Variants in MYO18B observed in about 807,000 individuals in gnomAD.
The protein encoded by MYO18B is myosin XVIIIB.
A neutral mutation model predicts 273.0 loss-of-function variants in MYO18B; 204 were observed. The ratio of observed to expected loss-of-function variants is 0.75; its 90% CI spans 0.67 to 0.84. The LOEUF (loss-of-function observed/expected upper bound fraction) is 0.84. MYO18B is among the 40% of genes least tolerant of loss of function. MYO18B has a pLI of 0.00. For missense variants in MYO18B, 3,212 were observed against 3,287.6 expected (o/e 0.98, Z 0.56); for synonymous variants, 1,330 against 1,305.7 (o/e 1.02, Z -0.40).
In MYO18B at chr22:25,954,335, A is replaced by G. The variant is rs1378080776; in HGVS notation, c.5971-844A>G. Among the ~76,000 whole-genome samples, 4 of 152,252 alleles carry G rather than the reference A, an allele frequency of 2.6e-5. No individual in the cohort carries two copies. The South Asian group carries it at 6.2e-4, about 24-fold the overall frequency. On this transcript the variant is annotated intron_variant, in intron 38 of 43. Coordinates refer to ENST00000335473, the MANE Select transcript of MYO18B (RefSeq NM_032608.7). ...CATGAGAAATTATCTGAACACCCTCATTTTATAAATCAGGAAACAAAAACA... is the reference window on the plus strand; with the variant it reads ...CATGAGAAATTATCTGAACACCCTCGTTTTATAAATCAGGAAACAAAAACA...
chr22:25,792,024 C>T (rs1007976940), intron 11 of MYO18B, among the ~76,000 whole-genome samples: 17 of 152,176 alleles, frequency 1.1e-4, no homozygotes, highest in African/African-American at 4.1e-4. Context: ...CGATTCAGAT[C>T]GTGGCTGAAG....
At chr22:25,944,840 C>A (rs2092686066) in intron 34 of MYO18B, among the ~76,000 whole-genome samples, 1 of 141,784 alleles carries the variant, frequency 7.1e-6, no homozygotes, top group South Asian at 2.3e-4. Flanking sequence ...GAGCAAGACT[C>A]CATCTCAAAA....
chr22:26,028,731 A>T (rs1336292330), intron 43 of MYO18B: 1 of 150,230 alleles, frequency 6.7e-6, no homozygotes, highest in East Asian at 2.0e-4. Context: ...CATCTCCACT[A>T]AAAAAAAATA....
rs780323486 is a variant in MYO18B at position 25,921,392 on chromosome 22, G to C, written c.5500G>C (p.Glu1834Gln). 1.2e-6 allele frequency: 2 copies of C among 1,601,838 alleles called. No individual in the cohort carries two copies. Among genetic ancestry groups the C allele is most frequent in the East Asian group, 2.3e-5 (1 of 44,320 alleles). ...GKTSVSKEEL[E>Q]KVHSQLEQSE... ...GACATCAGTCAGCAAGGAGGAGCTG[G>C]AGAAAGTGCACAGCCAGGTGGGTGT... is the stretch of plus-strand genomic sequence containing the variant. Residue 1834 changes from glutamate (E) to glutamine (Q), a missense_variant, in exon 34 of 44, where the codon GAG becomes CAG. By Grantham distance (29) the Glu-to-Gln change is conservative. Coordinates refer to ENST00000335473, the MANE Select transcript of MYO18B (RefSeq NM_032608.7).
chr22:25,834,881 C>G (rs1169042670), intron 16 of MYO18B, among the ~76,000 whole-genome samples: 1 of 152,210 alleles, frequency 6.6e-6, no homozygotes, highest in Non-Finnish European at 1.5e-5. Flanking sequence ...ACGATACAGA[C>G]AGAATTAATC....
intron 7 of MYO18B, among the ~76,000 whole-genome samples, chr22:25,773,316 A>G (rs2086792906): frequency 1.3e-5 from 2 of 152,196 alleles, no homozygotes; most frequent in Non-Finnish European, 2.9e-5. Context: ...AAGACAGTCC[A>G]TCAACAATAA....
chr22:25,803,347 T>C (rs1569042065), intron 12 of MYO18B, among the ~76,000 whole-genome samples: 1 of 152,228 alleles, frequency 6.6e-6, no homozygotes, highest in Non-Finnish European at 1.5e-5. Flanking sequence ...CTTTTTATTA[T>C]GGCTGAATTA....
chr22:26,021,331 C>G (rs565330120), intron 42 of MYO18B, among the ~76,000 whole-genome samples: 1 of 152,284 alleles, frequency 6.6e-6, no homozygotes, highest in East Asian at 1.9e-4. Flanking sequence ...TTTAATCAGT[C>G]CAGTATTTAT....
chr22:25,925,278 C>G (rs903304770), intron 34 of MYO18B, among the ~76,000 whole-genome samples: 1 of 150,980 alleles, frequency 6.6e-6, no homozygotes, highest in African/African-American at 2.4e-5. Context: ...AATTCAGGAT[C>G]TGCATTTTTA....
In MYO18B at chr22:25,895,354, C is replaced by G. The variant is rs1373230214; in HGVS notation, c.4668+74C>G. 2.6e-6 allele frequency: 4 copies of G among 1,516,102 alleles called. No individual in the cohort carries two copies. In the South Asian group the frequency reaches 3.7e-5, roughly 14 times the overall value. The allele number at this position is 1,516,102 out of a possible 1,614,324, so 93.9% of individuals were successfully genotyped here. ...GGCTCTCACCTCCACTGTGGGTGAT[C>G]GAGGTATTAGCTGAGCCTGAAGAGG... On this transcript the variant is annotated intron_variant, in intron 28 of 43. Transcript: ENST00000335473.
At chr22:25,929,891 C>T (rs1443474487) in intron 34 of MYO18B, among the ~76,000 whole-genome samples, 1 of 152,084 alleles carries the variant, frequency 6.6e-6, no homozygotes, top group African/African-American at 2.4e-5. Context: ...AAAATTTAAA[C>T]GCAAAGTCGG....
rs748011880 is a variant in MYO18B at position 25,910,997 on chromosome 22, G to A, written c.5311G>A (p.Val1771Ile). Residue 1771 changes from valine to isoleucine, a missense_variant, in exon 33 of 44, where the codon GTC (valine) becomes ATC (isoleucine). Coordinates refer to ENST00000335473, the MANE Select transcript of MYO18B (RefSeq NM_032608.7). The stretch of plus-strand genomic sequence containing the variant: ...GCAAGAGTATGAAGAGAAGCAGATG[G>A]TCCTCCATGAGAAGCAAGATTTGGA... ...LEQEYEEKQM[V>I]LHEKQDLEGL... 2 of 1,605,954 alleles carry A rather than the reference G, an allele frequency of 1.2e-6. No individual in the cohort carries two copies. Among genetic ancestry groups the A allele is most frequent in the South Asian group, 2.3e-5 (2 of 88,618 alleles).
intron 39 of MYO18B, chr22:25,959,282 T>TA (rs1262387372): frequency 6.6e-6 from 1 of 150,578 alleles, no homozygotes; most frequent in East Asian, 1.9e-4. Flanking sequence ...TTTTTTTTTT[T>TA]TTTTTTTAAA....
intron 39 of MYO18B, among the ~76,000 whole-genome samples, chr22:25,977,029 T>C (rs1413697656): frequency 6.6e-6 from 1 of 152,208 alleles, no homozygotes; most frequent in Non-Finnish European, 1.5e-5. Flanking sequence ...CACGATGCTC[T>C]GTATTGAACA....
chr22:25,762,061 G>A (rs1444257003), intron 2 of MYO18B, among the ~76,000 whole-genome samples: 1 of 151,246 alleles, frequency 6.6e-6, no homozygotes, highest in Non-Finnish European at 1.5e-5. Flanking sequence ...CCAAGATCGC[G>A]CCATTGCACT....
At chr22:25,961,067 A>G (rs1405262594) in intron 39 of MYO18B, among the ~76,000 whole-genome samples, 2 of 151,962 alleles carry the variant, frequency 1.3e-5, no homozygotes, top group Admixed American at 1.3e-4. Context: ...GAAGCAACAA[A>G]GAAGAATTTG....
chr22:25,928,166 A>G (rs980746855), intron 34 of MYO18B, among the ~76,000 whole-genome samples: 3 of 152,106 alleles, frequency 2.0e-5, no homozygotes, highest in African/African-American at 4.8e-5. Context: ...GAGCCAGTTC[A>G]TGAATGGTTT....
rs1876234697 is a variant in MYO18B, at chr22:25,835,283, G to A, written c.3061-13G>A. The A allele has an allele frequency of 6.2e-7, 1 of 1,612,092 alleles. No individual in the cohort carries two copies. The highest frequency in any genetic ancestry group is 8.5e-7 in the Non-Finnish European group (1 of 1,179,176). The stretch of plus-strand genomic sequence containing the variant: ...TATCAGGGCCCTTCAGTGAATCCTG[G>A]TTCTCCCAGCAGGTCCGCTTACCAG... On this transcript the variant is annotated splice_polypyrimidine_tract_variant and intron_variant, in intron 16 of 43. Coordinates refer to ENST00000335473, the MANE Select transcript of MYO18B (RefSeq NM_032608.7).
At chr22:25,864,144 A>T (rs746950997) in intron 21 of MYO18B, among the ~76,000 whole-genome samples, 3 of 152,192 alleles carry the variant, frequency 2.0e-5, no homozygotes, top group Non-Finnish European at 4.4e-5. Context: ...CTCACCCTGG[A>T]AGAACTACTG....
Sources: allele counts gnomAD v4.1 joint callset (sites outside exome capture counted in the v4.1 genomes callset), GRCh38; gene constraint gnomAD v4.1.1; transcripts MANE v1.5; gene names NCBI Gene and HGNC (gene_info 2026-07-23, HGNC 2026-07-21).